Variants in ZSWIM6 observed in about 807,000 individuals in gnomAD.
The protein encoded by ZSWIM6 is zinc finger SWIM domain-containing protein 6.
A neutral mutation model predicts 113.2 loss-of-function variants in ZSWIM6; 9 were observed. That is an observed-to-expected ratio of 0.08 (90% confidence interval 0.05 to 0.14). ZSWIM6 has a LOEUF of 0.14. ZSWIM6 is among the 10% of genes least tolerant of loss of function. The pLI is 1.00. For missense variants in ZSWIM6, 1,162 were observed against 1,552.2 expected (o/e 0.75, Z 4.22); for synonymous variants, 611 against 606.5 (o/e 1.01, Z -0.11).
intron 1 of ZSWIM6, among the ~76,000 whole-genome samples, chr5:61,457,432 A>G (rs1232167733): frequency 6.6e-6 from 1 of 152,134 alleles, no homozygotes; most frequent in African/African-American, 2.4e-5. Context: ...TTGACTGTAT[A>G]TCCAATATAT....
At chr5:61,423,511 A>T (rs991786427) in intron 1 of ZSWIM6, among the ~76,000 whole-genome samples, 9 of 152,250 alleles carry the variant, frequency 5.9e-5, no homozygotes, top group South Asian at 2.1e-4. Context: ...GCAGTTATAG[A>T]TGTTGCATTT....
chr5:61,508,712 T>C (rs1748694916), intron 4 of ZSWIM6, among the ~76,000 whole-genome samples: 1 of 152,164 alleles, frequency 6.6e-6, no homozygotes, highest in Admixed American at 6.6e-5. Flanking sequence ...AAAGGATATC[T>C]TGGGCCACTT....
chr5:61,515,766 C>T (rs1020318117), intron 4 of ZSWIM6, among the ~76,000 whole-genome samples: 1 of 152,076 alleles, frequency 6.6e-6, no homozygotes, highest in African/African-American at 2.4e-5. Flanking sequence ...TTGAAGTCTC[C>T]AAATATAATT....
At chr5:61,485,950 A>G (rs1748006386) in intron 2 of ZSWIM6, among the ~76,000 whole-genome samples, 1 of 152,150 alleles carries the variant, frequency 6.6e-6, no homozygotes, top group Non-Finnish European at 1.5e-5. Flanking sequence ...CTCAATATTT[A>G]TATGTATTTT....
chr5:61,513,518 C>CT (rs1305165452), intron 4 of ZSWIM6, among the ~76,000 whole-genome samples: 1 of 151,962 alleles, frequency 6.6e-6, no homozygotes, highest in Non-Finnish European at 1.5e-5. Context: ...ATGGGTCATG[C>CT]TTTTGATTTT....
In ZSWIM6 at chr5:61,543,351, C is replaced by G; in HGVS notation, c.2786-104C>G. ...AGGATTTTCTAGCCTAGCTCATGTCCTATGATGGTTAACAATGTAAACACT... is the reference window on the plus strand; with the variant it reads ...AGGATTTTCTAGCCTAGCTCATGTCGTATGATGGTTAACAATGTAAACACT... On this transcript the variant is annotated intron_variant, in intron 13 of 13. Coordinates refer to ENST00000252744, the MANE Select transcript of ZSWIM6 (RefSeq NM_020928.2). The surrounding 1 kb of genome is among the most constrained non-coding windows in gnomAD (Gnocchi z 4.3). 2.2e-6 allele frequency: 3 copies of G among 1,355,974 alleles called. No individual in the cohort carries two copies. In the East Asian group the frequency reaches 7.6e-5, roughly 34 times the overall value. The allele number at this position is 1,355,974 out of a possible 1,614,324, so 84.0% of individuals were successfully genotyped here. A position where few individuals can be genotyped will look rare whatever the true frequency, so the allele number is the denominator to read the frequency against.
At chr5:61,533,711 A>G (rs527482226) in intron 9 of ZSWIM6, among the ~76,000 whole-genome samples, 1 of 152,248 alleles carries the variant, frequency 6.6e-6, no homozygotes, top group Admixed American at 6.5e-5. Context: ...AGGAGAAATG[A>G]AGACTGTGGC....
At chr5:61,511,981 AATAC>A (rs993849995) in intron 4 of ZSWIM6, among the ~76,000 whole-genome samples, 1 of 152,158 alleles carries the variant, frequency 6.6e-6, no homozygotes, top group Non-Finnish European at 1.5e-5. Context: ...TATACTATAA[AATAC>A]ATACATACTG....
chr5:61,378,922 G>A (rs1745424536), intron 1 of ZSWIM6, among the ~76,000 whole-genome samples: 1 of 151,994 alleles, frequency 6.6e-6, no homozygotes, highest in Admixed American at 6.6e-5. Flanking sequence ...GCTCACTCCT[G>A]TTATCCCAGT....
At chr5:61,507,086 C>T (rs1254394536) in intron 4 of ZSWIM6, among the ~76,000 whole-genome samples, 3 of 152,104 alleles carry the variant, frequency 2.0e-5, no homozygotes, top group African/African-American at 7.2e-5. Context: ...GCTCCTCAGC[C>T]CCCACCGGCT....
chr5:61,399,273 TTTGAAAAATGTGTTTTA>T (rs1745901773), intron 1 of ZSWIM6, among the ~76,000 whole-genome samples: 1 of 151,394 alleles, frequency 6.6e-6, no homozygotes, highest in African/African-American at 2.4e-5. Context: ...GTGTCTATTA[TTTGAAAAATGTGTTTTA>T]TTTGAAAACA....
intron 1 of ZSWIM6, among the ~76,000 whole-genome samples, chr5:61,367,895 A>C (rs1438115584): frequency 6.6e-6 from 1 of 152,094 alleles, no homozygotes; most frequent in Non-Finnish European, 1.5e-5. Context: ...CCAAGATGAG[A>C]CGTATAACTT....
intron 1 of ZSWIM6, among the ~76,000 whole-genome samples, chr5:61,453,134 T>C (rs915029578): frequency 2.0e-5 from 3 of 152,236 alleles, no homozygotes; most frequent in Admixed American, 2.0e-4. Context: ...AGATGATATC[T>C]GCCAAGTTGC....
At chr5:61,484,684 CATT>C (rs1473857486) in intron 2 of ZSWIM6, among the ~76,000 whole-genome samples, 1 of 152,144 alleles carries the variant, frequency 6.6e-6, no homozygotes, top group Non-Finnish European at 1.5e-5. Flanking sequence ...AACTTCGCAT[CATT>C]GTGTGTCCTT....
At chr5:61,465,101 C>G (rs993912851) in intron 1 of ZSWIM6, among the ~76,000 whole-genome samples, 1 of 152,164 alleles carries the variant, frequency 6.6e-6, no homozygotes, top group African/African-American at 2.4e-5. Context: ...AAGGCCAGAG[C>G]TGCTTTCTTT....
At chr5:61,375,262 GAA>G in intron 1 of ZSWIM6, 2 of 1,612,802 alleles carry the variant, frequency 1.2e-6, no homozygotes, top group Non-Finnish European at 8.5e-7. Flanking sequence ...ACTAGAAAAG[GAA>G]AAGAAAGGCT....
In ZSWIM6 at chr5:61,332,675, G is replaced by T; in HGVS notation, c.403G>T (p.Gly135Cys). The change falls in exon 1 of 14, where the codon GGC becomes TGC. Residue 135 changes from glycine (G) to cysteine (C), a missense_variant. Gly to Cys is a radical substitution (Grantham distance 159, BLOSUM62 -3). Coordinates refer to ENST00000252744, the MANE Select transcript of ZSWIM6 (RefSeq NM_020928.2). ...SSFNTGGGAA[G>C]GPGDDSGGGG... is the part of the protein sequence containing the mutation. Reference sequence around the variant, plus strand: ...CTTCAACACCGGCGGCGGCGCCGCGGGCGGCCCCGGCGACGACAGCGGTGG... The same window carrying T: ...CTTCAACACCGGCGGCGGCGCCGCGTGCGGCCCCGGCGACGACAGCGGTGG... 1 of 1,095,046 alleles carries T rather than the reference G, an allele frequency of 9.1e-7. No individual in the cohort carries two copies. Among genetic ancestry groups the T allele is most frequent in the Non-Finnish European group, 1.1e-6 (1 of 880,420 alleles). The allele number at this position is 1,095,046 out of a possible 1,614,324, so 67.8% of individuals were successfully genotyped here.
intron 1 of ZSWIM6, among the ~76,000 whole-genome samples, chr5:61,395,618 TA>T (rs1221878602): frequency 6.6e-6 from 1 of 152,192 alleles, no homozygotes; most frequent in African/African-American, 2.4e-5. Flanking sequence ...TATCAAAAAT[TA>T]AAAAACACTT....
At position 61,529,866 on chromosome 5, in the gene ZSWIM6, A is replaced by G. The variant is rs1249151127; in HGVS notation, c.1838-186A>G. ...TACAGATGAACCTTTAGAACTCAAA[A>G]TAGTTGACAAGTTGGGGATTATGGT... On this transcript the variant is annotated intron_variant, in intron 7 of 13. Transcript: ENST00000252744. Among the ~76,000 whole-genome samples, 4 of 152,350 alleles carry G rather than the reference A, an allele frequency of 2.6e-5. No individual in the cohort carries two copies. In the East Asian group the frequency reaches 7.7e-4, roughly 29 times the overall value.
Sources: allele counts gnomAD v4.1 joint callset (sites outside exome capture counted in the v4.1 genomes callset), GRCh38; gene constraint gnomAD v4.1.1; non-coding constraint Gnocchi (gnomAD v3.1); transcripts MANE v1.5; gene names NCBI Gene and HGNC (gene_info 2026-07-23, HGNC 2026-07-21).